The following ZFPM2 variants were observed in gnomAD, a reference collection of about 807,000 sequenced individuals.
ZFPM2 encodes the protein zinc finger protein, FOG family member 2.
A neutral mutation model predicts 98.6 loss-of-function variants in ZFPM2; 20 were observed. The ratio of observed to expected loss-of-function variants is 0.20; its 90% CI spans 0.14 to 0.29. ZFPM2 has a LOEUF of 0.29. Among genes scored for constraint, ZFPM2 ranks in the 10% least tolerant of loss-of-function variants. The pLI is 1.00. For synonymous variants in ZFPM2, 518 were observed against 502.7 expected (o/e 1.03, Z -0.41); for missense variants, 1,310 against 1,388.6 (o/e 0.94, Z 0.90).
At position 105,802,439 on chromosome 8, in the gene ZFPM2, C is replaced by G. The variant is rs1814057082; in HGVS notation, c.2357C>G (p.Pro786Arg). The change falls in exon 8 of 8, where the codon CCA (proline) becomes CGA (arginine). Residue 786 changes from proline to arginine, a missense_variant. By Grantham distance (103) the Pro-to-Arg change is moderately radical (BLOSUM62 -2). Transcript: ENST00000407775. ...PTEGLGECYHPRCDIFPGIVS... is the reference protein window; with the variant it reads ...PTEGLGECYHRRCDIFPGIVS... The stretch of plus-strand genomic sequence containing the variant: ...GAAGGGCTAGGAGAGTGCTACCACC[C>G]AAGATGTGATATCTTTCCAGGAATT... 6.2e-7 allele frequency: 1 copy of G among 1,613,648 alleles called. No homozygotes were observed. The highest frequency in any genetic ancestry group is 1.3e-5 in the African/African-American group (1 of 74,926).
chr8:105,648,696 G>A (rs1817105104), intron 5 of ZFPM2, among the ~76,000 whole-genome samples: 2 of 152,180 alleles, frequency 1.3e-5, no homozygotes, highest in South Asian at 4.1e-4. Flanking sequence ...GTAGATGTGT[G>A]GTATTATTTC....
chr8:105,508,810 T>TTC (rs1554612777), intron 3 of ZFPM2, among the ~76,000 whole-genome samples: 2 of 150,430 alleles, frequency 1.3e-5, no homozygotes, highest in East Asian at 3.9e-4. Context: ...TTTTTTTTTT[T>TTC]CCCCCTCGCA....
At chr8:105,447,900 T>G (rs994521927) in intron 3 of ZFPM2, among the ~76,000 whole-genome samples, 1 of 152,124 alleles carries the variant, frequency 6.6e-6, no homozygotes, top group Non-Finnish European at 1.5e-5. Context: ...CCTTATGTTA[T>G]TCAACTAAAA....
At chr8:105,389,670 T>A (rs1219390287) in intron 1 of ZFPM2, among the ~76,000 whole-genome samples, 1 of 152,198 alleles carries the variant, frequency 6.6e-6, no homozygotes, top group Non-Finnish European at 1.5e-5. Flanking sequence ...TCTGACTAAT[T>A]TGTAGAGTCT....
intron 2 of ZFPM2, among the ~76,000 whole-genome samples, chr8:105,423,484 T>C (rs1405083767): frequency 1.3e-5 from 2 of 152,224 alleles, no homozygotes; most frequent in South Asian, 4.1e-4. Context: ...ATCTTTTGTT[T>C]ATGAGTTTAG....
chr8:105,725,205 T>G (rs1811779074), intron 5 of ZFPM2, among the ~76,000 whole-genome samples: 1 of 151,872 alleles, frequency 6.6e-6, no homozygotes, highest in South Asian at 2.1e-4. Flanking sequence ...AAATTATTCC[T>G]TTCAGTTTTA....
At chr8:105,492,724 C>T (rs1813381679) in intron 3 of ZFPM2, among the ~76,000 whole-genome samples, 2 of 151,976 alleles carry the variant, frequency 1.3e-5, no homozygotes, top group Non-Finnish European at 2.9e-5. Flanking sequence ...AAATTCCTGC[C>T]ATATAAATCC....
intron 3 of ZFPM2, among the ~76,000 whole-genome samples, chr8:105,486,283 T>C (rs900785894): frequency 1.3e-5 from 2 of 152,162 alleles, no homozygotes; most frequent in African/African-American, 4.8e-5. Context: ...TTAATATATG[T>C]ATTATGAATG....
At position 105,436,743 on chromosome 8, in the gene ZFPM2, C is replaced by T. The variant is rs567611419; in HGVS notation, c.200-7537C>T. On this transcript the variant is annotated intron_variant, in intron 2 of 7. Transcript: ENST00000407775. ...AGTGTGCTTGGGCATCTTTCCACAT[C>T]TCTCCCCCTTGGTTTATTTTTCTGA... Among the ~76,000 whole-genome samples the T allele has an allele frequency of 6.6e-5, 10 of 152,204 alleles. No individual in the cohort carries two copies. The South Asian group carries it at 1.9e-3, about 28-fold the overall frequency.
intron 3 of ZFPM2, among the ~76,000 whole-genome samples, chr8:105,502,294 A>G (rs1379929268): frequency 6.6e-6 from 1 of 152,166 alleles, no homozygotes; most frequent in Non-Finnish European, 1.5e-5. Context: ...AAAGCATGGG[A>G]AGTAAGGATA....
At chr8:105,468,903 T>C (rs1308306402) in intron 3 of ZFPM2, among the ~76,000 whole-genome samples, 1 of 152,202 alleles carries the variant, frequency 6.6e-6, no homozygotes, top group Non-Finnish European at 1.5e-5. Context: ...CTCCAGTCTT[T>C]GAATCATTAA....
intron 1 of ZFPM2, among the ~76,000 whole-genome samples, chr8:105,360,536 G>C (rs1463663221): frequency 1.3e-5 from 2 of 151,798 alleles, no homozygotes; most frequent in Non-Finnish European, 2.9e-5. Flanking sequence ...AGTTAGTTAC[G>C]TATGTATACG....
chr8:105,323,357 A>G (rs1159914776), intron 1 of ZFPM2, among the ~76,000 whole-genome samples: 1 of 151,638 alleles, frequency 6.6e-6, no homozygotes, highest in Non-Finnish European at 1.5e-5. Context: ...TCTGAATTTT[A>G]GGGATAATTG....
rs1586416687 is a variant in ZFPM2, at chr8:105,497,711, A to G, written c.301+53330A>G. Among the ~76,000 whole-genome samples the G allele has an allele frequency of 8.5e-5, 13 of 152,240 alleles. 1 individual carries two copies. In the South Asian group the frequency reaches 2.7e-3, roughly 32 times the overall value. Reference sequence around the variant, plus strand: ...TTAGGTAGCTGGAGTGAAGGAACGGATAAGATTATAAAGGCAGAAGCTTAG... The same window carrying G: ...TTAGGTAGCTGGAGTGAAGGAACGGGTAAGATTATAAAGGCAGAAGCTTAG... On this transcript the variant is annotated intron_variant, in intron 3 of 7. Transcript: ENST00000407775.
At chr8:105,414,696 A>G (rs1811647335) in intron 1 of ZFPM2, among the ~76,000 whole-genome samples, 2 of 151,802 alleles carry the variant, frequency 1.3e-5, no homozygotes, top group Admixed American at 1.3e-4. Flanking sequence ...GCCCCCTGAA[A>G]TTGTAGCAAT....
intron 3 of ZFPM2, among the ~76,000 whole-genome samples, chr8:105,517,289 G>A (rs1302759189): frequency 6.6e-6 from 1 of 152,124 alleles, no homozygotes; most frequent in South Asian, 2.1e-4. Flanking sequence ...GGGTTCTGAT[G>A]TCATGTCCAA....
At chr8:105,380,098 C>T (rs1199649226) in intron 1 of ZFPM2, among the ~76,000 whole-genome samples, 1 of 152,138 alleles carries the variant, frequency 6.6e-6, no homozygotes, top group Non-Finnish European at 1.5e-5. Flanking sequence ...CGTTAGCTTT[C>T]TAACAGTGAT....
At chr8:105,768,461 C>T (rs1812905960) in intron 5 of ZFPM2, among the ~76,000 whole-genome samples, 1 of 151,940 alleles carries the variant, frequency 6.6e-6, no homozygotes. Context: ...ATTATAGCCA[C>T]ACTTCACATG....
intron 3 of ZFPM2, among the ~76,000 whole-genome samples, chr8:105,543,567 A>G (rs1035911022): frequency 1.3e-5 from 2 of 152,190 alleles, no homozygotes; most frequent in African/African-American, 4.8e-5. Flanking sequence ...CTATATTTGT[A>G]AGGAATTAAA....
Sources: allele counts gnomAD v4.1 joint callset (sites outside exome capture counted in the v4.1 genomes callset), GRCh38; gene constraint gnomAD v4.1.1; transcripts MANE v1.5; gene names NCBI Gene and HGNC (gene_info 2026-07-23, HGNC 2026-07-21).